RARB: variants seen among roughly 807,000 people sequenced by gnomAD.
RARB encodes the protein retinoic acid receptor beta.
A neutral mutation model predicts 51.9 loss-of-function variants in RARB; 17 were observed. The ratio of observed to expected loss-of-function variants is 0.33; its 90% CI spans 0.22 to 0.49. RARB has a LOEUF of 0.49. RARB is among the 20% of genes least tolerant of loss of function. The probability of loss-of-function intolerance (pLI) is 0.99; values close to 1 mark genes in which losing one functional copy is unlikely to be tolerated. For missense variants in RARB, 369 were observed against 550.8 expected (o/e 0.67, Z 3.30); for synonymous variants, 215 against 195.4 (o/e 1.10, Z -0.84).
At chr3:25,342,177 G>A (rs998015864) in intron 5 of RARB, among the ~76,000 whole-genome samples, 2 of 152,236 alleles carry the variant, frequency 1.3e-5, no homozygotes, top group Non-Finnish European at 2.9e-5. Flanking sequence ...GGAATCACGT[G>A]AAGTTTGACC....
chr3:25,365,182 C>A (rs1706074789), intron 5 of RARB, among the ~76,000 whole-genome samples: 1 of 149,648 alleles, frequency 6.7e-6, no homozygotes, highest in African/African-American at 2.5e-5. Context: ...TATAAGCCAA[C>A]CATGTTTTCT....
intron 5 of RARB, among the ~76,000 whole-genome samples, chr3:25,381,435 G>T (rs746909744): frequency 5.3e-5 from 8 of 152,114 alleles, no homozygotes; most frequent in Middle Eastern, 3.2e-3. Context: ...TTACTTCTCC[G>T]GATCACATTT....
At position 25,490,578 on chromosome 3, in the gene RARB, C is replaced by T. The variant is rs117945039; in HGVS notation, c.307-10604C>T. On this transcript the variant is annotated intron_variant, in intron 2 of 7. Coordinates refer to ENST00000330688, the MANE Select transcript of RARB (RefSeq NM_000965.5). ...CTCTCCTTCTGCTTACCTTTTTCTCCCCCGCTTCTCAGTACAGATGAGAAA... is the reference window on the plus strand; with the variant it reads ...CTCTCCTTCTGCTTACCTTTTTCTCTCCCGCTTCTCAGTACAGATGAGAAA... 1.5e-3 allele frequency among the ~76,000 whole-genome samples: 225 copies of T among 152,220 alleles called. 1 individual carries two copies. In the East Asian group the frequency reaches 0.041, roughly 28 times the overall value.
intron 5 of RARB, among the ~76,000 whole-genome samples, chr3:25,335,763 A>G (rs754909878): frequency 1.2e-4 from 19 of 152,084 alleles, no homozygotes; most frequent in Middle Eastern, 3.2e-3. Flanking sequence ...GCCTCTGACA[A>G]CCTCATCTAT....
intron 1 of RARB, among the ~76,000 whole-genome samples, chr3:24,832,232 T>G (rs1702291967): frequency 6.6e-6 from 1 of 152,154 alleles, no homozygotes; most frequent in Admixed American, 6.5e-5. Flanking sequence ...TTTAAAAATA[T>G]CTATTTATTA....
At chr3:24,865,245 G>A (rs540935104) in intron 2 of RARB, among the ~76,000 whole-genome samples, 43 of 152,184 alleles carry the variant, frequency 2.8e-4, no homozygotes, top group Non-Finnish European at 5.6e-4. Flanking sequence ...CTGTGTATAC[G>A]GAAATTTACG....
intron 2 of RARB, among the ~76,000 whole-genome samples, chr3:24,984,905 G>A (rs937227163): frequency 6.6e-6 from 1 of 152,190 alleles, no homozygotes; most frequent in African/African-American, 2.4e-5. Context: ...GCAATTTCCT[G>A]TTCTGAGCTT....
intron 1 of RARB, among the ~76,000 whole-genome samples, chr3:24,840,742 TAAAAAAAAAA>T: frequency 1.4e-5 from 1 of 70,362 alleles, no homozygotes; most frequent in South Asian, 4.6e-4. Context: ...TGAGTAAGAG[TAAAAAAAAAA>T]AAAAAAAAAA....
chr3:25,294,220 G>A (rs77153830), intron 5 of RARB, among the ~76,000 whole-genome samples: 8,480 of 152,222 alleles, frequency 0.056, 383 homozygotes, highest in South Asian at 0.21. Context: ...GTTGTCATTC[G>A]TTAAGAATTA....
At chr3:25,290,357 C>G (rs1485050722) in intron 5 of RARB, among the ~76,000 whole-genome samples, 3 of 152,136 alleles carry the variant, frequency 2.0e-5, no homozygotes, top group Non-Finnish European at 2.9e-5. Flanking sequence ...AGAACTGACC[C>G]TACCACCCCC....
chr3:25,359,673 T>A (rs1012108516), intron 5 of RARB, among the ~76,000 whole-genome samples: 2 of 152,210 alleles, frequency 1.3e-5, no homozygotes, highest in African/African-American at 2.4e-5. Flanking sequence ...TGGTATGTTG[T>A]GTCATTGTTC....
intron 5 of RARB, among the ~76,000 whole-genome samples, chr3:25,380,060 T>C (rs1356074394): frequency 1.3e-5 from 2 of 152,168 alleles, no homozygotes; most frequent in Non-Finnish European, 2.9e-5. Flanking sequence ...GGAAAGATAA[T>C]ACATTTTGCA....
chr3:25,327,732 C>T (rs141105029), intron 5 of RARB, among the ~76,000 whole-genome samples: 91 of 152,178 alleles, frequency 6.0e-4, no homozygotes, highest in African/African-American at 2.0e-3. Context: ...TGATGAGAAA[C>T]GGTAAAGTCT....
intron 2 of RARB, among the ~76,000 whole-genome samples, chr3:25,464,045 A>G (rs1210318019): frequency 6.6e-6 from 1 of 152,200 alleles, no homozygotes; most frequent in African/African-American, 2.4e-5. Context: ...TAGCTAGTTC[A>G]TTTTGTCCAC....
chr3:25,534,770 C>G (rs546046046), intron 3 of RARB, among the ~76,000 whole-genome samples: 2 of 152,162 alleles, frequency 1.3e-5, no homozygotes, highest in African/African-American at 4.8e-5. Context: ...GGGACTAGCA[C>G]CTAAGCCATC....
intron 3 of RARB, among the ~76,000 whole-genome samples, chr3:25,501,662 G>A (rs942844804): frequency 6.6e-6 from 1 of 152,160 alleles, no homozygotes; most frequent in African/African-American, 2.4e-5. Context: ...TGGGTATAAG[G>A]ATCTTCGCCT....
chr3:25,378,312 C>CAG (rs1706524488), intron 5 of RARB, among the ~76,000 whole-genome samples: 1 of 152,190 alleles, frequency 6.6e-6, no homozygotes, highest in Admixed American at 6.5e-5. Context: ...CAGTCACCAG[C>CAG]AGAGTGGCTC....
chr3:25,255,017 A>G (rs1228608383), intron 5 of RARB, among the ~76,000 whole-genome samples: 1 of 152,146 alleles, frequency 6.6e-6, no homozygotes. Context: ...GCATTCTTGT[A>G]TTCCTTTCTG....
At chr3:24,937,833 A>C (rs1258040508) in intron 2 of RARB, among the ~76,000 whole-genome samples, 1 of 152,126 alleles carries the variant, frequency 6.6e-6, no homozygotes, top group East Asian at 1.9e-4. Flanking sequence ...AAAAATAAAG[A>C]GATTTTAATC....
Sources: allele counts gnomAD v4.1 joint callset (sites outside exome capture counted in the v4.1 genomes callset), GRCh38; gene constraint gnomAD v4.1.1; transcripts MANE v1.5; gene names NCBI Gene and HGNC (gene_info 2026-07-23, HGNC 2026-07-21).